Variants in SH3RF1 observed in about 807,000 individuals in gnomAD.
SH3RF1 encodes the protein SH3 domain containing ring finger 1.
In SH3RF1, 32 loss-of-function variants were observed where a neutral mutation model predicts 74.0. That is an observed-to-expected ratio of 0.43 (90% confidence interval 0.33 to 0.58). The LOEUF is 0.58. SH3RF1 is among the 20% of genes least tolerant of loss of function. The pLI, the probability that SH3RF1 is intolerant of heterozygous loss-of-function variation, is 0.05. For synonymous variants in SH3RF1, 396 were observed against 439.6 expected (o/e 0.90, Z 1.24); for missense variants, 954 against 1,130.9 (o/e 0.84, Z 2.24).
intron 2 of SH3RF1, among the ~76,000 whole-genome samples, chr4:169,192,879 ATAT>A (rs1734750532): frequency 1.4e-5 from 2 of 145,374 alleles, no homozygotes; most frequent in African/African-American, 5.0e-5. Flanking sequence ...TATATCATAT[ATAT>A]GTGATATGTT....
At chr4:169,265,717 C>T (rs1731341308) in intron 2 of SH3RF1, among the ~76,000 whole-genome samples, 6 of 152,084 alleles carry the variant, frequency 3.9e-5, no homozygotes, top group Admixed American at 3.9e-4. Context: ...AAGTGATCCA[C>T]CCACCTCCTC....
At chr4:169,246,531 T>C (rs924501525) in intron 2 of SH3RF1, among the ~76,000 whole-genome samples, 1 of 152,218 alleles carries the variant, frequency 6.6e-6, no homozygotes, top group Admixed American at 6.5e-5. Context: ...TAGAAAAAGA[T>C]AGGCAGGCCT....
chr4:169,230,510 C>T (rs868194461), intron 2 of SH3RF1, among the ~76,000 whole-genome samples: 2 of 152,186 alleles, frequency 1.3e-5, no homozygotes, highest in East Asian at 3.9e-4. Flanking sequence ...AGAAATATTT[C>T]AATCTAAAAT....
intron 2 of SH3RF1, among the ~76,000 whole-genome samples, chr4:169,178,546 C>T (rs1734459684): frequency 6.6e-6 from 1 of 152,068 alleles, no homozygotes; most frequent in South Asian, 2.1e-4. Context: ...GGCTCTGGAA[C>T]ACAGGTACTT....
chr4:169,208,841 C>G (rs1169171111), intron 2 of SH3RF1, among the ~76,000 whole-genome samples: 1 of 151,808 alleles, frequency 6.6e-6, no homozygotes, highest in Non-Finnish European at 1.5e-5. Context: ...AGGAGTGGGC[C>G]TACGCAGAAA....
At chr4:169,237,918 C>T (rs1354503928) in intron 2 of SH3RF1, among the ~76,000 whole-genome samples, 1 of 152,128 alleles carries the variant, frequency 6.6e-6, no homozygotes, top group African/African-American at 2.4e-5. Flanking sequence ...TGATATATAG[C>T]TCCTCATCTC....
At chr4:169,166,687 G>C in intron 2 of SH3RF1, 1 of 199,858 alleles carries the variant, frequency 5.0e-6, no homozygotes, top group South Asian at 1.1e-4. Context: ...GACAAACTGC[G>C]AGCCAGCATC....
intron 2 of SH3RF1, among the ~76,000 whole-genome samples, chr4:169,192,452 G>A (rs1034822408): frequency 3.3e-5 from 5 of 152,248 alleles, no homozygotes; most frequent in African/African-American, 1.2e-4. Flanking sequence ...CCTTATTCCT[G>A]CAAGAATGGC....
intron 2 of SH3RF1, among the ~76,000 whole-genome samples, chr4:169,173,702 A>T (rs1579119414): frequency 6.6e-6 from 1 of 152,164 alleles, no homozygotes; most frequent in East Asian, 1.9e-4. Flanking sequence ...GGGTTAGCTT[A>T]CTGAGCTTGT....
chr4:169,140,702 C>CT (rs994392746), intron 4 of SH3RF1, among the ~76,000 whole-genome samples: 1 of 151,918 alleles, frequency 6.6e-6, no homozygotes, highest in East Asian at 1.9e-4. Context: ...AGAATATAGC[C>CT]TTTTTTAAAA....
intron 8 of SH3RF1, 33 bp from the exon 9 acceptor site, chr4:169,117,815 GTCCA>G: frequency 6.3e-7 from 1 of 1,583,540 alleles, no homozygotes. Flanking sequence ...GGAAAGCCCA[GTCCA>G]TCAGCAAAAT....
chr4:169,259,894 A>C (rs1472004113), intron 2 of SH3RF1, among the ~76,000 whole-genome samples: 1 of 152,206 alleles, frequency 6.6e-6, no homozygotes, highest in Non-Finnish European at 1.5e-5. Context: ...AGTATTGTGG[A>C]TCCTTAGGAA....
intron 2 of SH3RF1, among the ~76,000 whole-genome samples, chr4:169,250,012 G>A (rs1002287884): frequency 1.3e-5 from 2 of 152,158 alleles, no homozygotes; most frequent in African/African-American, 4.8e-5. Context: ...ATCAAATGAG[G>A]AAATATGCTC....
At chr4:169,130,269 T>C in intron 5 of SH3RF1, 113 bp from the exon 6 acceptor site, 1 of 770,442 alleles carries the variant, frequency 1.3e-6, no homozygotes, top group Non-Finnish European at 2.0e-6. Context: ...GTACTTTCTG[T>C]TATTTGGGGA....
intron 2 of SH3RF1, among the ~76,000 whole-genome samples, chr4:169,160,331 T>G (rs1223333387): frequency 1.3e-5 from 2 of 152,218 alleles, no homozygotes; most frequent in Non-Finnish European, 2.9e-5. Context: ...CACACACCAG[T>G]GGCCTAATGG....
At chr4:169,176,129 AC>A (rs2126976048) in intron 2 of SH3RF1, among the ~76,000 whole-genome samples, 1 of 152,298 alleles carries the variant, frequency 6.6e-6, no homozygotes, top group Non-Finnish European at 1.5e-5. Flanking sequence ...TTGAGCTTGG[AC>A]TTTCCAGCGT....
intron 11 of SH3RF1, among the ~76,000 whole-genome samples, chr4:169,099,710 A>G (rs1732986132): frequency 6.6e-6 from 1 of 152,214 alleles, no homozygotes; most frequent in Non-Finnish European, 1.5e-5. Flanking sequence ...TAATATATGC[A>G]TTTTATAAAA....
intron 2 of SH3RF1, among the ~76,000 whole-genome samples, chr4:169,240,947 C>T (rs1212945968): frequency 1.3e-5 from 2 of 152,094 alleles, no homozygotes; most frequent in Non-Finnish European, 2.9e-5. Flanking sequence ...TAAAACTGCC[C>T]AGGCCGGGCG....
intron 6 of SH3RF1, among the ~76,000 whole-genome samples, chr4:169,127,495 A>T (rs946358655): frequency 5.3e-5 from 8 of 152,114 alleles, no homozygotes; most frequent in Non-Finnish European, 7.4e-5. Flanking sequence ...TTCCACTTAA[A>T]CCTGACATAT....
Sources: gnomAD v4.1 joint callset for allele counts (sites outside exome capture counted in the v4.1 genomes callset) on GRCh38, gnomAD v4.1.1 for gene constraint, MANE v1.5 for transcripts, NCBI Gene and HGNC (gene_info 2026-07-23, HGNC 2026-07-21) for gene names.